The following SLC1A7 variants were observed in gnomAD, a reference collection of about 807,000 sequenced individuals.
The protein encoded by SLC1A7 is solute carrier family 1 member 7.
In SLC1A7, 40 loss-of-function variants were observed where a neutral mutation model predicts 47.7. The observed-to-expected ratio is 0.84, with a 90% CI of 0.65 to 1.09. The LOEUF is 1.09. Among genes scored for constraint, SLC1A7 ranks in the 50% least tolerant of loss-of-function variants. The probability of loss-of-function intolerance (pLI) is 0.00; values close to 1 mark genes in which losing one functional copy is unlikely to be tolerated. For missense variants in SLC1A7, 746 were observed against 769.5 expected, an observed-to-expected ratio of 0.97 and a Z score of 0.36; for synonymous variants, 323 against 325.6, an observed-to-expected ratio of 0.99 and a Z score of 0.09.
chr1:53,139,806 T>G (rs1645038407), intron 1 of SLC1A7, among the ~76,000 whole-genome samples: 1 of 152,150 alleles, frequency 6.6e-6, no homozygotes, highest in African/African-American at 2.4e-5. Flanking sequence ...TTCTTGGTGG[T>G]TTTACCTTTT....
At chr1:53,090,311 G>A (rs947477859) in intron 8 of SLC1A7, 1 of 540,008 alleles carries the variant, frequency 1.9e-6, no homozygotes, top group East Asian at 3.2e-5. Context: ...TGCTTGGCTG[G>A]GCTGTGAGGC....
intron 1 of SLC1A7, among the ~76,000 whole-genome samples, chr1:53,136,559 A>ATATATTATATATAAACATATAT (rs144844294): frequency 2.0e-5 from 2 of 99,938 alleles, no homozygotes; most frequent in Admixed American, 1.1e-4. Context: ...ATATATAAAC[A>ATATATTATATATAAACATATAT]TATATATAAA....
At chr1:53,111,121 TGAG>T (rs1421159535) in intron 3 of SLC1A7, among the ~76,000 whole-genome samples, 1 of 151,796 alleles carries the variant, frequency 6.6e-6, no homozygotes, top group Admixed American at 6.6e-5. Context: ...AGAAAGGCTA[TGAG>T]GAGAAGTGAC....
chr1:53,125,442 A>C (rs1644872369), intron 2 of SLC1A7, among the ~76,000 whole-genome samples: 1 of 152,158 alleles, frequency 6.6e-6, no homozygotes, highest in Non-Finnish European at 1.5e-5. Flanking sequence ...GCCCATTTGC[A>C]CCAGAGGATC....
intron 9 of SLC1A7, among the ~76,000 whole-genome samples, chr1:53,089,538 G>T (rs1644396556): frequency 6.6e-6 from 1 of 152,184 alleles, no homozygotes; most frequent in African/African-American, 2.4e-5. Context: ...GCCTCTCAAA[G>T]TTCTGGGACA....
chr1:53,129,472 C>CCG (rs1644917131), intron 2 of SLC1A7, among the ~76,000 whole-genome samples: 4,856 of 139,834 alleles, frequency 0.035, 21 homozygotes, highest in East Asian at 0.054. Flanking sequence ...CAGATGAAGC[C>CCG]ACCACTGGTC....
chr1:53,120,308 A>G (rs1191865559), intron 2 of SLC1A7, among the ~76,000 whole-genome samples: 1 of 152,104 alleles, frequency 6.6e-6, no homozygotes, highest in East Asian at 1.9e-4. Context: ...CGCTGGTTAC[A>G]AAGGTGAGGG....
intron 5 of SLC1A7, among the ~76,000 whole-genome samples, chr1:53,101,324 T>C (rs536881888): frequency 3.0e-5 from 3 of 98,484 alleles, no homozygotes; most frequent in Admixed American, 2.7e-4. Context: ...CTCGGTACAC[T>C]CACACACCCC....
intron 1 of SLC1A7, among the ~76,000 whole-genome samples, chr1:53,137,226 G>A (rs1234375339): frequency 6.9e-6 from 1 of 144,012 alleles, no homozygotes; most frequent in African/African-American, 2.6e-5. Context: ...GGCGGGGATT[G>A]CAGTGAGCTA....
intron 3 of SLC1A7, among the ~76,000 whole-genome samples, chr1:53,110,793 C>T (rs1644693865): frequency 6.6e-6 from 1 of 152,138 alleles, no homozygotes; most frequent in Non-Finnish European, 1.5e-5. Flanking sequence ...CTGCTTGCCC[C>T]TGCTCTGTTT....
At chr1:53,097,122 AGTACACCTACACGCCCCG>A in intron 5 of SLC1A7, among the ~76,000 whole-genome samples, 1 of 140,524 alleles carries the variant, frequency 7.1e-6, no homozygotes, top group African/African-American at 2.7e-5. Flanking sequence ...AACCCGCCTC[AGTACACCTACACGCCCCG>A]CCTTGGTAGA....
intron 2 of SLC1A7, among the ~76,000 whole-genome samples, chr1:53,125,131 C>T (rs539194992): frequency 2.0e-5 from 3 of 152,114 alleles, no homozygotes; most frequent in Non-Finnish European, 2.9e-5. Flanking sequence ...TGGCAGCACA[C>T]GGAAGACGGC....
At chr1:53,099,339 TGCCTCAGTACCTCACATACCGCCTCGGTA>T (rs1557671884) in intron 5 of SLC1A7, among the ~76,000 whole-genome samples, 1 of 127,276 alleles carries the variant, frequency 7.9e-6, no homozygotes, top group African/African-American at 3.2e-5. Context: ...ACGCTCACAC[TGCCTCAGTACCTCACATACCGCCTCGGTA>T]CACACACATA....
rs528024350 is a variant in SLC1A7 at position 53,134,796 on chromosome 1, T to C, written c.136-367A>G. 2.0e-5 allele frequency among the ~76,000 whole-genome samples: 3 copies of C among 152,164 alleles called. No homozygotes were observed. In the East Asian group the frequency reaches 5.8e-4, roughly 29 times the overall value. ...CCACAGAGACTGAACCCTGTGGACG[T>C]TGTTTTTTTCCTATATGTACATACC... On this transcript the variant is annotated intron_variant, in intron 1 of 10. Coordinates refer to ENST00000371494, the MANE Select transcript of SLC1A7 (RefSeq NM_006671.6).
intron 1 of SLC1A7, among the ~76,000 whole-genome samples, chr1:53,141,526 G>T (rs945012630): frequency 6.6e-6 from 1 of 151,962 alleles, no homozygotes; most frequent in Non-Finnish European, 1.5e-5. Context: ...GGAGATGGGG[G>T]CTGACAGGGA....
At chr1:53,096,695 T>C (rs1644496614) in intron 5 of SLC1A7, among the ~76,000 whole-genome samples, 6 of 149,186 alleles carry the variant, frequency 4.0e-5, no homozygotes, top group Admixed American at 4.0e-4. Context: ...ACCGCCTCAA[T>C]ACACTCACAC....
At chr1:53,093,644 C>G (rs1644451398) in intron 5 of SLC1A7, 84 bp from the exon 6 acceptor site, 2 of 986,942 alleles carry the variant, frequency 2.0e-6, no homozygotes, top group Non-Finnish European at 3.0e-6. Flanking sequence ...GGCTTCCCAG[C>G]AGCCTTGATG....
intron 2 of SLC1A7, among the ~76,000 whole-genome samples, chr1:53,126,471 G>A (rs565771399): frequency 7.9e-5 from 12 of 152,300 alleles, no homozygotes; most frequent in African/African-American, 2.4e-4. Flanking sequence ...GAGTTACGCC[G>A]GGTTATACAG....
At chr1:53,131,979 A>G (rs951792892) in intron 2 of SLC1A7, among the ~76,000 whole-genome samples, 5 of 152,118 alleles carry the variant, frequency 3.3e-5, no homozygotes, top group African/African-American at 1.2e-4. Context: ...AAAGAGGAAG[A>G]AGAAGAGATG....
Sources: allele counts gnomAD v4.1 joint callset (sites outside exome capture counted in the v4.1 genomes callset), GRCh38; gene constraint gnomAD v4.1.1; transcripts MANE v1.5; gene names NCBI Gene and HGNC (gene_info 2026-07-23, HGNC 2026-07-21).